ITGA8: variants seen among roughly 807,000 people sequenced by gnomAD.
The protein encoded by ITGA8 is integrin alpha-8.
ITGA8 carries 91 observed loss-of-function variants against 142.3 expected under a neutral mutation model. The observed-to-expected ratio is 0.64, with a 90% confidence interval of 0.54 to 0.76. The LOEUF (loss-of-function observed/expected upper bound fraction) is 0.76, where lower values mean the gene tolerates loss of function less well. Among genes scored for constraint, ITGA8 ranks in the 30% least tolerant of loss-of-function variants. The pLI, the probability that ITGA8 is intolerant of heterozygous loss-of-function variation, is 0.00. For synonymous variants in ITGA8, 505 were observed against 485.2 expected (o/e 1.04, Z -0.54); for missense variants, 1,406 against 1,327.7 (o/e 1.06, Z -0.92).
chr10:15,549,201 G>GTTTTTTTTTTTTTTTTT lies in ITGA8; in HGVS notation c.2767-650_2767-634dup, dbSNP rs67683436. On this transcript the variant is annotated intron_variant, in intron 26 of 29. Transcript: ENST00000378076. Reference sequence around the variant, plus strand: ...TTCTTTCTTTTTTCTTTTCTTTTCTGTTTTTTTTTTTTTTTTTTTTTTTTT... The same window carrying GTTTTTTTTTTTTTTTTT: ...TTCTTTCTTTTTTCTTTTCTTTTCTGTTTTTTTTTTTTTTTTTTTTTTTTTTTTTTTTTTTTTTTTTT... 1.9e-3 allele frequency among the ~76,000 whole-genome samples: 200 copies of GTTTTTTTTTTTTTTTTT among 107,164 alleles called. 14 individuals are homozygous for GTTTTTTTTTTTTTTTTT. Among genetic ancestry groups the GTTTTTTTTTTTTTTTTT allele is most frequent in the African/African-American group, 2.4e-3 (45 of 18,656 alleles). 70.3% of individuals were successfully genotyped at this position (107,164 alleles called of 152,430 possible).
chr10:15,681,726 G>T (rs1834741575), intron 4 of ITGA8, among the ~76,000 whole-genome samples: 1 of 152,182 alleles, frequency 6.6e-6, no homozygotes, highest in Non-Finnish European at 1.5e-5. Flanking sequence ...GCATATGAAG[G>T]ATGGTCTTGT....
chr10:15,547,997 A>G (rs995144608), intron 27 of ITGA8, among the ~76,000 whole-genome samples: 1 of 151,968 alleles, frequency 6.6e-6, no homozygotes, highest in Non-Finnish European at 1.5e-5. Flanking sequence ...ATCTTGTTCA[A>G]CTCCTCCACA....
At chr10:15,586,985 C>T (rs1588660300) in intron 22 of ITGA8, among the ~76,000 whole-genome samples, 1 of 151,618 alleles carries the variant, frequency 6.6e-6, no homozygotes, top group African/African-American at 2.4e-5. Context: ...TACAGTAGCC[C>T]AATATCAGCT....
chr10:15,611,726 G>A (rs1379087855), intron 15 of ITGA8, among the ~76,000 whole-genome samples: 7 of 151,154 alleles, frequency 4.6e-5, no homozygotes, highest in African/African-American at 7.3e-5. Flanking sequence ...TGATCTGCCC[G>A]CCTTGGCCTC....
chr10:15,714,647 A>G (rs1415651069), intron 2 of ITGA8, among the ~76,000 whole-genome samples: 1 of 152,214 alleles, frequency 6.6e-6, no homozygotes, highest in East Asian at 1.9e-4. Context: ...GAGAAATGTT[A>G]AAGAAAATCA....
At chr10:15,645,946 G>A (rs769713638) in intron 12 of ITGA8, among the ~76,000 whole-genome samples, 8 of 152,166 alleles carry the variant, frequency 5.3e-5, no homozygotes, top group Non-Finnish European at 8.8e-5. Context: ...TGAAACTAAG[G>A]TGAAGCCTAC....
At position 15,606,409 on chromosome 10, in the gene ITGA8, A is replaced by C. The variant is rs1437904506; in HGVS notation, c.1778T>G (p.Phe593Cys). Reference sequence around the variant, plus strand: ...GTTGATTGGAGATAATTTATCTCGGAATTCAGTTTCATCCTAGGAAAAATA... The same window carrying C: ...GTTGATTGGAGATAATTTATCTCGGCATTCAGTTTCATCCTAGGAAAAATA... ...FIVYLRDETE[F>C]RDKLSPINIS... The change falls in exon 18 of 30, where the codon TTC becomes TGC. Residue 593 changes from phenylalanine to cysteine, a missense_variant. Coordinates refer to ENST00000378076, the MANE Select transcript of ITGA8 (RefSeq NM_003638.3). 2.5e-6 allele frequency: 4 copies of C among 1,595,022 alleles called. No homozygotes were observed. Among genetic ancestry groups the C allele is most frequent in the Non-Finnish European group, 3.4e-6 (4 of 1,164,656 alleles).
Position 15,616,562 on chromosome 10 carries a change from T to TA in ITGA8, c.1400-4dup, listed in dbSNP as rs1465019309. ...TCCAAATGCACCCACAATCAAATCT[T>TA]AAAAAGACAAAAACACAGAACACAT... On this transcript the variant is annotated splice_polypyrimidine_tract_variant and splice_region_variant and intron_variant, in intron 13 of 29. Transcript: ENST00000378076. 1 of 1,611,438 alleles carries TA rather than the reference T, an allele frequency of 6.2e-7. No individual in the cohort carries two copies. Among genetic ancestry groups the TA allele is most frequent in the Non-Finnish European group, 8.5e-7 (1 of 1,178,878 alleles).
intron 13 of ITGA8, among the ~76,000 whole-genome samples, chr10:15,630,760 A>G (rs1446018569): frequency 1.3e-5 from 2 of 151,994 alleles, no homozygotes; most frequent in African/African-American, 2.4e-5. Context: ...GGAAGAAATA[A>G]TATGAGGTTC....
chr10:15,517,328 ATTTT>A, intron 29 of ITGA8, 84 bp from the exon 30 acceptor site: 1 of 719,966 alleles, frequency 1.4e-6, no homozygotes, highest in Non-Finnish European at 2.2e-6. Flanking sequence ...CACTTTATGT[ATTTT>A]TTTTTTTTTA....
intron 25 of ITGA8, among the ~76,000 whole-genome samples, chr10:15,564,672 A>G (rs1834046377): frequency 1.3e-5 from 2 of 152,206 alleles, no homozygotes; most frequent in South Asian, 4.1e-4. Flanking sequence ...TGCAGCCAGG[A>G]TGTGCAGTAC....
intron 10 of ITGA8, 139 bp from the exon 11 acceptor site, chr10:15,655,545 G>A (rs1834169144): frequency 1.5e-6 from 1 of 665,268 alleles, no homozygotes; most frequent in Non-Finnish European, 2.7e-6. Flanking sequence ...AGTGGCCAGG[G>A]TCTTTTTGCC....
At chr10:15,525,052 C>A (rs377601696) in intron 28 of ITGA8, among the ~76,000 whole-genome samples, 1 of 152,152 alleles carries the variant, frequency 6.6e-6, no homozygotes, top group East Asian at 1.9e-4. Flanking sequence ...TCTGTTGCCT[C>A]AGCTGGAGTG....
rs1833153066 is a variant in ITGA8 at position 15,604,230 on chromosome 10, A to G, written c.2096T>C (p.Val699Ala). The G allele has an allele frequency of 6.2e-7, 1 of 1,611,516 alleles. No individual in the cohort carries two copies. The highest frequency in any genetic ancestry group is 1.1e-5 in the South Asian group (1 of 90,280). ...TACCTTGTTGTTGCGTTCGATTCCA[A>G]CATAATCTGCCTCTTCTGGTATCAT... ...FVMIPEEADYVGIERNNKGFR... is the reference protein window; with the variant it reads ...FVMIPEEADYAGIERNNKGFR... Residue 699 changes from valine to alanine, a missense_variant, in exon 20 of 30, where the codon GTT becomes GCT. Transcript: ENST00000378076.
intron 10 of ITGA8, among the ~76,000 whole-genome samples, chr10:15,656,206 A>T (rs2131666169): frequency 6.6e-6 from 1 of 152,226 alleles, no homozygotes; most frequent in Non-Finnish European, 1.5e-5. Flanking sequence ...GTTAGGTAAG[A>T]TTTACGCTTC....
rs993200549 is a variant in ITGA8, at chr10:15,671,751, G to C, written c.803-104C>G. 5 of 796,814 alleles carry C rather than the reference G, an allele frequency of 6.3e-6. No individual in the cohort carries two copies. In the African/African-American group the frequency reaches 6.9e-5, roughly 11 times the overall value. 49.4% of individuals were successfully genotyped at this position (796,814 alleles called of 1,614,324 possible). On this transcript the variant is annotated intron_variant, in intron 7 of 29. Coordinates refer to ENST00000378076, the MANE Select transcript of ITGA8 (RefSeq NM_003638.3). Reference sequence around the variant, plus strand: ...GGCTACCATGGTACTGCTTTATTTAGAAACCTCTACAAATATTATAAAAGT... The same window carrying C: ...GGCTACCATGGTACTGCTTTATTTACAAACCTCTACAAATATTATAAAAGT...
At chr10:15,552,855 T>G (rs1403666961) in intron 26 of ITGA8, among the ~76,000 whole-genome samples, 1 of 151,556 alleles carries the variant, frequency 6.6e-6, no homozygotes, top group Non-Finnish European at 1.5e-5. Context: ...TTGTACACCA[T>G]GGAAGCTTTT....
Position 15,595,944 on chromosome 10 carries a change from C to T in ITGA8, c.2211+1263G>A, listed in dbSNP as rs566653669. 6.6e-5 allele frequency among the ~76,000 whole-genome samples: 10 copies of T among 152,166 alleles called. No individual in the cohort carries two copies. The East Asian group carries it at 1.2e-3, about 18-fold the overall frequency. On this transcript the variant is annotated intron_variant, in intron 21 of 29. Coordinates refer to ENST00000378076, the MANE Select transcript of ITGA8 (RefSeq NM_003638.3). ...GCATGCACCTGTAATCTCAGCTACT[C>T]GGGAGGCTGAGCAGGAGAATCACTT...
At chr10:15,614,763 G>A (rs1833363115) in intron 14 of ITGA8, among the ~76,000 whole-genome samples, 1 of 152,126 alleles carries the variant, frequency 6.6e-6, no homozygotes, top group Non-Finnish European at 1.5e-5. Flanking sequence ...TAAACAATAA[G>A]CAGTGGGCCT....
Sources: allele counts gnomAD v4.1 joint callset (sites outside exome capture counted in the v4.1 genomes callset), GRCh38; gene constraint gnomAD v4.1.1; transcripts MANE v1.5; gene names NCBI Gene and HGNC (gene_info 2026-07-23, HGNC 2026-07-21).